Variants in FGF14 observed in about 807,000 individuals in gnomAD.
FGF14 encodes the protein fibroblast growth factor homologous factor 4.
Under a neutral mutation model 25.5 loss-of-function variants are expected in FGF14, and 5 were observed. The ratio of observed to expected loss-of-function variants is 0.20; its 90% confidence interval spans 0.10 to 0.41. FGF14 has a LOEUF of 0.41. FGF14 is among the 10% of genes least tolerant of loss of function. The pLI is 1.00. For synonymous variants in FGF14, 138 were observed against 118.3 expected (o/e 1.17, Z -1.08); for missense variants, 222 against 320.1 (o/e 0.69, Z 2.34).
intron 1 of FGF14, among the ~76,000 whole-genome samples, chr13:102,152,232 G>A (rs920100977): frequency 1.3e-5 from 2 of 152,140 alleles, no homozygotes; most frequent in African/African-American, 4.8e-5. Context: ...TTAAGACTTG[G>A]TAAAGCTCCT....
chr13:101,875,111 A>T (rs1195928246), intron 2 of FGF14, 75 bp downstream of exon 2: 1 of 993,092 alleles, frequency 1.0e-6, no homozygotes, highest in African/African-American at 1.6e-5. Flanking sequence ...TTTGCAAATG[A>T]ATCTTAAAAA....
chr13:101,801,663 T>C (rs901470029), intron 3 of FGF14, among the ~76,000 whole-genome samples: 4 of 152,150 alleles, frequency 2.6e-5, no homozygotes, highest in African/African-American at 9.7e-5. Context: ...GGTTAAGAAT[T>C]AGTTTGAAAC....
At chr13:101,894,704 G>A (rs1304453719) in intron 1 of FGF14, among the ~76,000 whole-genome samples, 1 of 152,084 alleles carries the variant, frequency 6.6e-6, no homozygotes, top group Admixed American at 6.6e-5. Context: ...TTCCTATCAT[G>A]GTTTGGGACA....
intron 1 of FGF14, among the ~76,000 whole-genome samples, chr13:102,039,127 A>C (rs2139985835): frequency 6.6e-6 from 1 of 152,306 alleles, no homozygotes; most frequent in South Asian, 2.1e-4. Flanking sequence ...ACTTGAATTC[A>C]ATTCAGATTT....
chr13:101,908,829 G>C (rs1339586406), intron 1 of FGF14, among the ~76,000 whole-genome samples: 2 of 152,190 alleles, frequency 1.3e-5, no homozygotes, highest in Non-Finnish European at 1.5e-5. Flanking sequence ...CATGCTACCT[G>C]ACTTCAAACT....
At chr13:102,049,033 A>G (rs1390622147) in intron 1 of FGF14, among the ~76,000 whole-genome samples, 1 of 152,186 alleles carries the variant, frequency 6.6e-6, no homozygotes, top group Admixed American at 6.5e-5. Flanking sequence ...ATGATACGAA[A>G]TAAAAAACTA....
rs757344739 is a variant in FGF14, at chr13:101,958,071, A to G, written c.209-82775T>C. On this transcript the variant is annotated intron_variant, in intron 1 of 4. Coordinates refer to the FGF14 transcript ENST00000376131. ...CACATTGTCTATGGCAAACGTGTTA[A>G]CATCTGTAAACAACTTTCACCTGAA... Among the ~76,000 whole-genome samples the G allele has an allele frequency of 9.2e-5, 14 of 152,244 alleles. No individual in the cohort carries two copies. In the South Asian group the frequency reaches 1.2e-3, roughly 14 times the overall value.
intron 1 of FGF14, among the ~76,000 whole-genome samples, chr13:102,066,761 T>C (rs1434461624): frequency 6.6e-6 from 1 of 152,182 alleles, no homozygotes; most frequent in Non-Finnish European, 1.5e-5. Flanking sequence ...TGTGCTTCAA[T>C]TGAAATATCT....
chr13:102,361,705 C>G (rs1414877369), intron 1 of FGF14, among the ~76,000 whole-genome samples: 1 of 152,150 alleles, frequency 6.6e-6, no homozygotes, highest in African/African-American at 2.4e-5. Flanking sequence ...TTTGTCTTTA[C>G]CTTTGAACAC....
chr13:102,174,332 T>C (rs1250496210), intron 1 of FGF14, among the ~76,000 whole-genome samples: 1 of 148,876 alleles, frequency 6.7e-6, no homozygotes, highest in Non-Finnish European at 1.5e-5. Flanking sequence ...TTTTTTTTTT[T>C]ATTTTTGTAT....
chr13:101,809,239 A>G (rs1403777597), intron 3 of FGF14, among the ~76,000 whole-genome samples: 1 of 152,174 alleles, frequency 6.6e-6, no homozygotes, highest in Non-Finnish European at 1.5e-5. Context: ...TACTTTATGT[A>G]GAGAAAAAGA....
chr13:101,867,875 A>C (rs562188176), intron 3 of FGF14, among the ~76,000 whole-genome samples: 19 of 143,316 alleles, frequency 1.3e-4, no homozygotes, highest in African/African-American at 4.4e-4. Context: ...CCCCTGGAGA[A>C]TGTTTCTGTT....
intron 3 of FGF14, among the ~76,000 whole-genome samples, chr13:101,845,656 G>T (rs1216804555): frequency 1.3e-5 from 2 of 151,998 alleles, no homozygotes; most frequent in Non-Finnish European, 2.9e-5. Flanking sequence ...GATAATCTTA[G>T]ACTTGTAAAC....
At chr13:102,168,281 C>T (rs918564937) in intron 1 of FGF14, among the ~76,000 whole-genome samples, 1 of 152,100 alleles carries the variant, frequency 6.6e-6, no homozygotes, top group African/African-American at 2.4e-5. Flanking sequence ...AGATCCTCAG[C>T]GCCTAATCAA....
intron 1 of FGF14, among the ~76,000 whole-genome samples, chr13:102,165,096 A>C (rs971146881): frequency 5.3e-4 from 81 of 152,184 alleles, no homozygotes; most frequent in Non-Finnish European, 1.1e-3. Context: ...AGAGAAATGC[A>C]AATTAAAACC....
At chr13:101,783,420 A>G (rs939668157) in intron 3 of FGF14, among the ~76,000 whole-genome samples, 3 of 151,366 alleles carry the variant, frequency 2.0e-5, no homozygotes, top group African/African-American at 7.3e-5. Context: ...CAGTGAGCTG[A>G]GATTGCACCA....
chr13:102,094,847 C>T (rs1337446425), intron 1 of FGF14, among the ~76,000 whole-genome samples: 1 of 152,114 alleles, frequency 6.6e-6, no homozygotes, highest in African/African-American at 2.4e-5. Context: ...GCTCCGGCCA[C>T]CTAGAACCCC....
intron 1 of FGF14, among the ~76,000 whole-genome samples, chr13:102,335,682 CT>C (rs766016329): frequency 5.3e-5 from 8 of 152,128 alleles, no homozygotes; most frequent in South Asian, 2.1e-4. Flanking sequence ...GACTGTGCCT[CT>C]CTTTAATGCG....
chr13:101,898,317 C>T (rs1010930870), intron 1 of FGF14, among the ~76,000 whole-genome samples: 105 of 147,886 alleles, frequency 7.1e-4, no homozygotes, highest in African/African-American at 2.6e-3. Flanking sequence ...AGATACTCAA[C>T]CTGTATAAAG....
Sources: allele counts gnomAD v4.1 joint callset (sites outside exome capture counted in the v4.1 genomes callset), GRCh38; gene constraint gnomAD v4.1.1; transcripts MANE v1.5; gene names NCBI Gene and HGNC (gene_info 2026-07-23, HGNC 2026-07-21).